Variants in SAMD12 observed in about 807,000 individuals in gnomAD.
SAMD12 encodes sterile alpha motif domain-containing protein 12.
A neutral mutation model predicts 15.0 loss-of-function variants in SAMD12; 9 were observed. The observed-to-expected ratio is 0.60, with a 90% confidence interval of 0.36 to 1.05. The LOEUF (loss-of-function observed/expected upper bound fraction) is 1.05. Among genes scored for constraint, SAMD12 ranks in the 50% least tolerant of loss-of-function variants. SAMD12 has a pLI of 0.01. For missense variants in SAMD12, 230 were observed against 234.2 expected, an observed-to-expected ratio of 0.98 and a Z score of 0.12; for synonymous variants, 86 against 90.1, an observed-to-expected ratio of 0.96 and a Z score of 0.25.
chr8:118,165,341 G>A, the SAMD12 span, among the ~76,000 whole-genome samples: 1 of 152,020 alleles, frequency 6.6e-6, no homozygotes, highest in Non-Finnish European at 1.5e-5. Flanking sequence ...TGCATTGGGA[G>A]AGGTATGGAG....
chr8:118,515,051 C>T (rs1472656534), intron 2 of SAMD12, among the ~76,000 whole-genome samples: 1 of 152,118 alleles, frequency 6.6e-6, no homozygotes. Context: ...CGGAGTCTCA[C>T]TCTGTCGCCC....
intron 2 of SAMD12, among the ~76,000 whole-genome samples, chr8:118,486,414 T>TAA (rs34633261): frequency 8.9e-5 from 10 of 112,796 alleles, no homozygotes; most frequent in Admixed American, 4.3e-4. Flanking sequence ...AGAATCCGTC[T>TAA]AAAAAAAAAA....
chr8:118,235,189 T>C (rs1270658521), intron 4 of SAMD12, among the ~76,000 whole-genome samples: 1 of 152,102 alleles, frequency 6.6e-6, no homozygotes, highest in East Asian at 1.9e-4. Context: ...ATTTATATGG[T>C]CTTTAAATAC....
At chr8:118,205,226 C>T (rs962938688) in intron 4 of SAMD12, among the ~76,000 whole-genome samples, 4 of 152,210 alleles carry the variant, frequency 2.6e-5, no homozygotes, top group African/African-American at 9.6e-5. Flanking sequence ...AATCTTGGGA[C>T]TTCTCTACCT....
chr8:118,445,678 A>C (rs1166191467), intron 2 of SAMD12, among the ~76,000 whole-genome samples: 1 of 152,180 alleles, frequency 6.6e-6, no homozygotes, highest in African/African-American at 2.4e-5. Flanking sequence ...AGAATAATTA[A>C]ATGCGTATAG....
chr8:118,186,153 AG>A (rs1438181457), downstream of SAMD12, among the ~76,000 whole-genome samples: 4 of 152,336 alleles, frequency 2.6e-5, no homozygotes, highest in African/African-American at 4.8e-5. Context: ...CCAAGTCTCT[AG>A]GACAAGGGTA....
At chr8:118,181,541 G>A in the SAMD12 span, among the ~76,000 whole-genome samples, 1 of 152,162 alleles carries the variant, frequency 6.6e-6, no homozygotes, top group Non-Finnish European at 1.5e-5. Flanking sequence ...GGGCAATCAG[G>A]GTCCATTTTC....
the SAMD12 span, among the ~76,000 whole-genome samples, chr8:118,154,419 A>T: frequency 6.6e-6 from 1 of 152,208 alleles, no homozygotes; most frequent in Non-Finnish European, 1.5e-5. Flanking sequence ...CTCTTCTTTC[A>T]GAATTAATCA....
At chr8:118,244,017 G>A (rs1174504039) in intron 4 of SAMD12, among the ~76,000 whole-genome samples, 1 of 152,074 alleles carries the variant, frequency 6.6e-6, no homozygotes. Flanking sequence ...ATATCTCAGA[G>A]TTAAGGGAAC....
intron 4 of SAMD12, among the ~76,000 whole-genome samples, chr8:118,245,834 G>A (rs1435010287): frequency 6.6e-6 from 1 of 152,058 alleles, no homozygotes; most frequent in African/African-American, 2.4e-5. Context: ...GATCTTTCTG[G>A]GATTGGAAGG....
chr8:118,350,593 C>T (rs1167449047), intron 4 of SAMD12, among the ~76,000 whole-genome samples: 1 of 152,154 alleles, frequency 6.6e-6, no homozygotes, highest in Admixed American at 6.5e-5. Context: ...TTAATTATTA[C>T]TAATACTCAT....
intron 4 of SAMD12, among the ~76,000 whole-genome samples, chr8:118,358,354 T>C (rs1268857276): frequency 6.6e-6 from 1 of 152,156 alleles, no homozygotes; most frequent in Non-Finnish European, 1.5e-5. Flanking sequence ...TAATACAACT[T>C]AGCAGTATGT....
chr8:118,574,365 C>T (rs900507615), intron 2 of SAMD12, among the ~76,000 whole-genome samples: 1 of 152,166 alleles, frequency 6.6e-6, no homozygotes, highest in Non-Finnish European at 1.5e-5. Flanking sequence ...TTGTTATTTC[C>T]TATAGATCTG....
At chr8:118,456,076 T>C (rs978514872) in intron 2 of SAMD12, among the ~76,000 whole-genome samples, 1 of 152,224 alleles carries the variant, frequency 6.6e-6, no homozygotes, top group Admixed American at 6.5e-5. Flanking sequence ...TTTGCACTTA[T>C]AATAAAATCC....
intron 2 of SAMD12, among the ~76,000 whole-genome samples, chr8:118,475,060 G>A (rs537799031): frequency 1.3e-5 from 2 of 152,172 alleles, no homozygotes; most frequent in African/African-American, 4.8e-5. Context: ...CCAACATGGT[G>A]AAACCCCATT....
intron 4 of SAMD12, among the ~76,000 whole-genome samples, chr8:118,200,240 C>T (rs1265232576): frequency 6.6e-6 from 1 of 151,948 alleles, no homozygotes; most frequent in Non-Finnish European, 1.5e-5. Context: ...AGAACGACAA[C>T]AAACAAATAC....
chr8:118,547,029 A>ATGT (rs1826149880), intron 2 of SAMD12, among the ~76,000 whole-genome samples: 1 of 152,254 alleles, frequency 6.6e-6, no homozygotes, highest in Non-Finnish European at 1.5e-5. Flanking sequence ...CAGAATATTC[A>ATGT]GACTTTTGCT....
chr8:118,201,444 T>C (rs1819711493), intron 4 of SAMD12, among the ~76,000 whole-genome samples: 1 of 152,142 alleles, frequency 6.6e-6, no homozygotes, highest in Non-Finnish European at 1.5e-5. Flanking sequence ...GAGTGTGGCA[T>C]CTCAAATTTT....
At chr8:118,486,200 G>T (rs927455918) in intron 2 of SAMD12, among the ~76,000 whole-genome samples, 1 of 152,070 alleles carries the variant, frequency 6.6e-6, no homozygotes, top group African/African-American at 2.4e-5. Context: ...AGATCACGAG[G>T]TCAGGAGATA....
Sources: allele counts gnomAD v4.1 joint callset (sites outside exome capture counted in the v4.1 genomes callset), GRCh38; gene constraint gnomAD v4.1.1; transcripts MANE v1.5; gene names NCBI Gene and HGNC (gene_info 2026-07-23, HGNC 2026-07-21).